ADGRE3: variants seen among roughly 807,000 people sequenced by gnomAD.
The protein encoded by ADGRE3 is EGF-like module receptor 3.
A neutral mutation model predicts 80.1 loss-of-function variants in ADGRE3; 88 were observed. That is an observed-to-expected ratio of 1.10 (90% CI 0.93 to 1.31). The LOEUF (loss-of-function observed/expected upper bound fraction) is 1.31, where lower values mean the gene tolerates loss of function less well. Ranked by LOEUF, ADGRE3 falls within the 40% of genes most tolerant of loss-of-function variation. The probability of loss-of-function intolerance (pLI) is 0.00; values close to 1 mark genes in which losing one functional copy is unlikely to be tolerated. For missense variants in ADGRE3, 715 were observed against 776.5 expected (o/e 0.92, Z 0.94); for synonymous variants, 281 against 294.8 (o/e 0.95, Z 0.48).
intron 2 of ADGRE3, among the ~76,000 whole-genome samples, chr19:14,667,665 G>A (rs2146908621): frequency 6.6e-6 from 1 of 151,890 alleles, no homozygotes; most frequent in Admixed American, 6.6e-5. Flanking sequence ...ACAGGGTGGG[G>A]AACATCACAC....
intron 10 of ADGRE3, among the ~76,000 whole-genome samples, chr19:14,639,231 G>A (rs1365715069): frequency 2.0e-5 from 3 of 152,124 alleles, no homozygotes; most frequent in African/African-American, 7.2e-5. Flanking sequence ...ACAAAGAAAT[G>A]ATAAGTATGG....
chr19:14,655,244 T>C (rs1013090545), intron 5 of ADGRE3, 79 bp from the exon 6 acceptor site: 1 of 1,309,468 alleles, frequency 7.6e-7, no homozygotes, highest in South Asian at 1.5e-5. Flanking sequence ...GTAGAAAGCA[T>C]GAGAAAGCAG....
chr19:14,674,541 G>C (rs1042028370), intron 1 of ADGRE3, among the ~76,000 whole-genome samples: 3 of 151,884 alleles, frequency 2.0e-5, no homozygotes, highest in Admixed American at 2.0e-4. Flanking sequence ...AAAAAACCAA[G>C]CTACTAGATT....
chr19:14,636,164 T>TCCTTCCTTCCTTCCTTCCTTTCC (rs1381150522), intron 11 of ADGRE3, among the ~76,000 whole-genome samples: 1 of 71,262 alleles, frequency 1.4e-5, no homozygotes, highest in African/African-American at 5.3e-5. Flanking sequence ...CTTTCCTCCT[T>TCCTTCCTTCCTTCCTTCCTTTCC]TCCTTTCCTT....
At chr19:14,653,657 C>T (rs1055822474) in intron 6 of ADGRE3, among the ~76,000 whole-genome samples, 1 of 152,018 alleles carries the variant, frequency 6.6e-6, no homozygotes, top group Non-Finnish European at 1.5e-5. Context: ...ACTGCAGCCT[C>T]GAACTCCTGG....
chr19:14,603,638 T>G, the ADGRE3 span, among the ~76,000 whole-genome samples: 70 of 152,156 alleles, frequency 4.6e-4, no homozygotes, highest in East Asian at 0.011. Flanking sequence ...TTTTGTATTT[T>G]TTTTTTTAGT....
chr19:14,670,439 G>T (rs1215768767), intron 1 of ADGRE3, among the ~76,000 whole-genome samples: 1 of 152,226 alleles, frequency 6.6e-6, no homozygotes, highest in Non-Finnish European at 1.5e-5. Flanking sequence ...TCAGATTCAA[G>T]TGGAGAAGAA....
the ADGRE3 span, chr19:14,610,691 T>C: frequency 6.4e-6 from 1 of 156,588 alleles, no homozygotes; most frequent in Non-Finnish European, 1.4e-5. Context: ...GGCCAATTTT[T>C]TGTAGCATTT....
At chr19:14,665,947 T>TACATAC (rs1568500779) in intron 2 of ADGRE3, among the ~76,000 whole-genome samples, 3 of 24,468 alleles carry the variant, frequency 1.2e-4, no homozygotes, top group African/African-American at 6.3e-4. Context: ...TATATATATA[T>TACATAC]ATATATATAT....
At chr19:14,673,893 C>G (rs1972319304) in intron 1 of ADGRE3, among the ~76,000 whole-genome samples, 1 of 152,150 alleles carries the variant, frequency 6.6e-6, no homozygotes, top group South Asian at 2.1e-4. Flanking sequence ...ACTCCCTCAG[C>G]CTTCCCAGTC....
intron 2 of ADGRE3, among the ~76,000 whole-genome samples, chr19:14,665,936 G>GTATATATATACATACATATATA (rs1972085090): frequency 2.4e-5 from 1 of 42,096 alleles, no homozygotes; most frequent in African/African-American, 1.1e-4. Context: ...ACACATATGT[G>GTATATATATACATACATATATA]TATATATATA....
At chr19:14,606,899 C>A in the ADGRE3 span, 1 of 514,368 alleles carries the variant, frequency 1.9e-6, no homozygotes, top group Non-Finnish European at 3.0e-6. Flanking sequence ...GTGACGTTCC[C>A]AAGCCCTAAA....
At chr19:14,606,366 C>A in the ADGRE3 span, among the ~76,000 whole-genome samples, 2 of 144,126 alleles carry the variant, frequency 1.4e-5, no homozygotes, top group Non-Finnish European at 3.0e-5. Flanking sequence ...CAGAGTGAGA[C>A]CCTGTCTCAA....
intron 7 of ADGRE3, among the ~76,000 whole-genome samples, chr19:14,649,458 A>G (rs1334217026): frequency 9.6e-6 from 1 of 103,942 alleles, no homozygotes; most frequent in Non-Finnish European, 1.9e-5. Context: ...CTCTCTTTCC[A>G]CCTTTTTCCC....
At chr19:14,617,341 C>CCTTCCTTTCTTTCTTTCTTTCTTGCTTT (rs1555752262), downstream of ADGRE3, among the ~76,000 whole-genome samples, 1 of 57,170 alleles carries the variant, frequency 1.7e-5, no homozygotes, top group Admixed American at 2.0e-4. Context: ...TCCCTCCCTC[C>CCTTCCTTTCTTTCTTTCTTTCTTGCTTT]CTTTCTTTCT....
intron 2 of ADGRE3, among the ~76,000 whole-genome samples, chr19:14,667,023 A>C (rs1972123403): frequency 6.6e-6 from 1 of 152,136 alleles, no homozygotes; most frequent in Admixed American, 6.5e-5. Flanking sequence ...GTACTGGAGT[A>C]GGGTGGGCGC....
chr19:14,649,460 CT>C (rs1239680815), intron 7 of ADGRE3, among the ~76,000 whole-genome samples: 2 of 146,942 alleles, frequency 1.4e-5, no homozygotes, highest in Admixed American at 6.8e-5. Flanking sequence ...CTCTTTCCAC[CT>C]TTTTCCCCAT....
intron 9 of ADGRE3, among the ~76,000 whole-genome samples, chr19:14,641,981 T>C (rs1307356390): frequency 1.3e-5 from 2 of 152,140 alleles, no homozygotes; most frequent in Non-Finnish European, 2.9e-5. Flanking sequence ...TTTGGACATA[T>C]GATTTTTTTC....
At chr19:14,603,144 C>T in the ADGRE3 span, among the ~76,000 whole-genome samples, 14 of 152,196 alleles carry the variant, frequency 9.2e-5, no homozygotes, top group African/African-American at 3.1e-4. Flanking sequence ...CTTTAAATTA[C>T]TCATTTTAGT....
Sources: gnomAD v4.1 joint callset for allele counts (sites outside exome capture counted in the v4.1 genomes callset) on GRCh38, gnomAD v4.1.1 for gene constraint, MANE v1.5 for transcripts, NCBI Gene and HGNC (gene_info 2026-07-23, HGNC 2026-07-21) for gene names.